Variants in ZYG11B observed in about 807,000 individuals in gnomAD.
ZYG11B encodes protein zyg-11 homolog B.
ZYG11B carries 36 observed loss-of-function variants against 82.4 expected under a neutral mutation model. That is an observed-to-expected ratio of 0.44 (90% confidence interval 0.33 to 0.58). ZYG11B has a LOEUF of 0.58. Among genes scored for constraint, ZYG11B ranks in the 20% least tolerant of loss-of-function variants. The pLI is 0.02. For missense variants in ZYG11B, 552 were observed against 895.6 expected, an observed-to-expected ratio of 0.62 and a Z score of 4.90; for synonymous variants, 303 against 312.8, an observed-to-expected ratio of 0.97 and a Z score of 0.33.
At chr1:52,820,714 T>TAA (rs34434230) in intron 13 of ZYG11B, among the ~76,000 whole-genome samples, 4 of 27,166 alleles carry the variant, frequency 1.5e-4, no homozygotes, top group Non-Finnish European at 1.7e-4. Flanking sequence ...AGACTGTCTT[T>TAA]AAAAAAAAAA....
At chr1:52,813,097 T>A (rs1645197453) in intron 10 of ZYG11B, among the ~76,000 whole-genome samples, 2 of 152,354 alleles carry the variant, frequency 1.3e-5, no homozygotes, top group South Asian at 4.1e-4. Flanking sequence ...GTCTCTTGAG[T>A]CTGGCTAGTG....
intron 1 of ZYG11B, among the ~76,000 whole-genome samples, chr1:52,741,613 C>T (rs1033665187): frequency 8.5e-5 from 13 of 152,102 alleles, no homozygotes; most frequent in African/African-American, 3.1e-4. Flanking sequence ...ACATTTAGTG[C>T]CCACTATGTA....
chr1:52,774,336 C>G (rs922858187), intron 3 of ZYG11B, among the ~76,000 whole-genome samples: 10 of 137,608 alleles, frequency 7.3e-5, no homozygotes, highest in African/African-American at 2.5e-4. Context: ...GAGATGGAGT[C>G]TAGCTCCGTC....
rs376848536 is a variant in ZYG11B at position 52,771,456 on chromosome 1, C to G, written c.633C>G (p.Leu211=). 8.1e-6 allele frequency: 13 copies of G among 1,613,660 alleles called. No homozygotes were observed. Among genetic ancestry groups the G allele is most frequent in the Non-Finnish European group, 9.3e-6 (11 of 1,179,874 alleles). The change falls in exon 3 of 14, where the codon CTC becomes CTG. Residue 211 remains leucine (L), a synonymous_variant. Transcript: ENST00000294353. The surrounding 1 kb of genome is among the most constrained non-coding windows in gnomAD (Gnocchi z 5.4). The part of the protein sequence containing the change: ...ITALLACKDR[L]KSLTMHHLKC... ...CTCTACTGGCCTGCAAAGACCGACT[C>G]AAGTCTCTAACCATGCACCACTTGA... is the stretch of plus-strand genomic sequence containing the variant.
rs1435372726 is a variant in ZYG11B, at chr1:52,756,655, T to C, written c.196+32T>C. ...AAATAAACAGAGGAAACAAAAATTA[T>C]GTGCTGTTAATTAGATTTGATTTTG... On this transcript the variant is annotated intron_variant, in intron 2 of 13. Transcript: ENST00000294353. The C allele has an allele frequency of 1.0e-5, 16 of 1,586,068 alleles. 1 individual carries two copies. The highest frequency in any genetic ancestry group is 1.4e-5 in the Non-Finnish European group (16 of 1,163,846).
At chr1:52,800,644 A>G (rs1277627401) in intron 8 of ZYG11B, among the ~76,000 whole-genome samples, 6 of 152,044 alleles carry the variant, frequency 3.9e-5, no homozygotes, top group Non-Finnish European at 8.8e-5. Flanking sequence ...CGCCATCTCT[A>G]CTAAAAATAT....
At chr1:52,774,888 A>G (rs926235944) in intron 3 of ZYG11B, among the ~76,000 whole-genome samples, 12 of 151,966 alleles carry the variant, frequency 7.9e-5, no homozygotes, top group Admixed American at 2.6e-4. Flanking sequence ...TGGCCACCTT[A>G]TCCCATACTT....
intron 1 of ZYG11B, among the ~76,000 whole-genome samples, chr1:52,755,187 T>G (rs1453096893): frequency 1.3e-5 from 2 of 152,022 alleles, no homozygotes; most frequent in Non-Finnish European, 2.9e-5. Context: ...GGTCTCGATC[T>G]CCTGACCTCA....
At chr1:52,794,976 G>C (rs940447167) in intron 6 of ZYG11B, among the ~76,000 whole-genome samples, 1 of 152,158 alleles carries the variant, frequency 6.6e-6, no homozygotes, top group African/African-American at 2.4e-5. Flanking sequence ...AGATGATCGA[G>C]TAGTCCTGCT....
chr1:52,776,235 T>TATATATATATATATATATAC (rs1644808173), intron 3 of ZYG11B, among the ~76,000 whole-genome samples: 1 of 40,724 alleles, frequency 2.5e-5, no homozygotes, highest in Non-Finnish European at 4.7e-5. Context: ...AAAAAATATA[T>TATATATATATATATATATAC]ATATATATAT....
intron 3 of ZYG11B, among the ~76,000 whole-genome samples, chr1:52,779,198 A>C (rs182836421): frequency 1.3e-5 from 2 of 152,296 alleles, no homozygotes; most frequent in African/African-American, 4.8e-5. Flanking sequence ...TGAGGAAAAA[A>C]GGTCATACAG....
intron 5 of ZYG11B, among the ~76,000 whole-genome samples, 172 bp from the exon 6 acceptor site, chr1:52,789,831 A>G (rs541773726): frequency 1.3e-5 from 2 of 152,186 alleles, no homozygotes; most frequent in Non-Finnish European, 1.5e-5. Context: ...GTAAACTTGT[A>G]TGGGTCTCCT....
chr1:52,745,962 CTTTT>C (rs71938564), intron 1 of ZYG11B, among the ~76,000 whole-genome samples: 6 of 143,414 alleles, frequency 4.2e-5, no homozygotes, highest in African/African-American at 1.5e-4. Context: ...GAATATTTAA[CTTTT>C]TTTTTTTTTT....
At chr1:52,748,500 T>G (rs1217511450) in intron 1 of ZYG11B, among the ~76,000 whole-genome samples, 1 of 152,252 alleles carries the variant, frequency 6.6e-6, no homozygotes, top group Non-Finnish European at 1.5e-5. Flanking sequence ...TTTCAGGTGC[T>G]GAGAATAAAA....
intron 8 of ZYG11B, among the ~76,000 whole-genome samples, chr1:52,797,300 AAT>A (rs1645028590): frequency 1.1e-5 from 1 of 90,176 alleles, no homozygotes; most frequent in African/African-American, 5.0e-5. Flanking sequence ...TATAAAATAT[AAT>A]ATAAATATAT....
rs200604805 is a variant in ZYG11B, at chr1:52,780,003, A to T, written c.1092+10A>T. On this transcript the variant is annotated intron_variant, in intron 4 of 13. Coordinates refer to ENST00000294353, the MANE Select transcript of ZYG11B (RefSeq NM_024646.3). ...GCCAGAAATTTTAAAGGTAAGAATA[A>T]GAAACTGGATATGAAATTTTTGAAA... 3.9e-5 allele frequency: 63 copies of T among 1,606,964 alleles called. No individual in the cohort carries two copies. The highest frequency in any genetic ancestry group is 5.3e-5 in the Non-Finnish European group (62 of 1,177,814).
At chr1:52,775,953 C>T (rs1002066077) in intron 3 of ZYG11B, among the ~76,000 whole-genome samples, 1 of 151,640 alleles carries the variant, frequency 6.6e-6, no homozygotes, top group East Asian at 2.0e-4. Flanking sequence ...CAGTGGCTCA[C>T]GCCTGTAATC....
chr1:52,791,817 A>G (rs180809095), intron 6 of ZYG11B, among the ~76,000 whole-genome samples: 1 of 152,314 alleles, frequency 6.6e-6, no homozygotes, highest in Admixed American at 6.5e-5. Flanking sequence ...GTAGATTGCT[A>G]ATTTTATTTT....
chr1:52,796,874 T>C (rs1391633010), intron 8 of ZYG11B, 90 bp downstream of exon 8: 2 of 124,002 alleles, frequency 1.6e-5, no homozygotes, highest in Admixed American at 3.1e-4. Context: ...ATTTTTTATA[T>C]ATATATAATT....
Sources: gnomAD v4.1 joint callset for allele counts (sites outside exome capture counted in the v4.1 genomes callset) on GRCh38, gnomAD v4.1.1 for gene constraint, Gnocchi (gnomAD v3.1) non-coding constraint, MANE v1.5 for transcripts, NCBI Gene and HGNC (gene_info 2026-07-23, HGNC 2026-07-21) for gene names.